Variants in NR1I2 observed in about 807,000 individuals in gnomAD.
NR1I2 encodes the protein orphan nuclear receptor PAR1.
In NR1I2, 42 loss-of-function variants were observed where a neutral mutation model predicts 43.3. That is an observed-to-expected ratio of 0.97 (90% CI 0.76 to 1.26). The LOEUF (loss-of-function observed/expected upper bound fraction) is 1.26, where lower values mean the gene tolerates loss of function less well. Ranked by LOEUF, NR1I2 falls within the 50% of genes most tolerant of loss-of-function variation. The probability of loss-of-function intolerance (pLI) is 0.00; values close to 1 mark genes in which losing one functional copy is unlikely to be tolerated. For synonymous variants in NR1I2, 229 were observed against 215.0 expected (o/e 1.06, Z -0.57); for missense variants, 559 against 566.7 (o/e 0.99, Z 0.14).
In NR1I2 at chr3:119,812,945, T is replaced by C. The variant is rs761766539; in HGVS notation, c.779T>C (p.Val260Ala). 1 of 1,613,690 alleles carries C rather than the reference T, an allele frequency of 6.2e-7. No individual in the cohort carries two copies. The highest frequency in any genetic ancestry group is 1.1e-5 in the South Asian group (1 of 91,078). ...AAAGGCATCATCAGCTTTGCCAAAGTCATCTCCTACTTCAGGTAGGACATG... is the reference window on the plus strand; with the variant it reads ...AAAGGCATCATCAGCTTTGCCAAAGCCATCTCCTACTTCAGGTAGGACATG... The change falls in exon 5 of 9, where the codon GTC becomes GCC. Residue 260 changes from valine to alanine, a missense_variant. This residue lies in a region of NR1I2 where 323 missense variants were observed against 312.2 expected (regional missense o/e 1.03). Transcript: ENST00000393716.
chr3:119,785,703 G>A (rs1032286718), intron 1 of NR1I2, among the ~76,000 whole-genome samples: 2 of 152,112 alleles, frequency 1.3e-5, no homozygotes, highest in Non-Finnish European at 1.5e-5. Flanking sequence ...CTCTGGCTTA[G>A]CATAATCTTA....
At chr3:119,810,499 ATTG>A (rs2055224757) in intron 3 of NR1I2, 1 of 435,808 alleles carries the variant, frequency 2.3e-6, no homozygotes, top group Non-Finnish European at 4.2e-6. Context: ...CCCCTTCATA[ATTG>A]TTGTAATGGT....
intron 1 of NR1I2, among the ~76,000 whole-genome samples, chr3:119,789,582 G>A (rs959940006): frequency 2.6e-5 from 4 of 152,202 alleles, no homozygotes; most frequent in African/African-American, 9.7e-5. Context: ...GTAGCATTAT[G>A]CAAGCTACAA....
Position 119,812,965 on chromosome 3 carries a change from G to T in NR1I2, c.794+5G>T. 1 of 1,612,658 alleles carries T rather than the reference G, an allele frequency of 6.2e-7. No individual in the cohort carries two copies. The highest frequency in any genetic ancestry group is 8.5e-7 in the Non-Finnish European group (1 of 1,180,034). ...CAAAGTCATCTCCTACTTCAGGTAG[G>T]ACATGGAGACTGGGTGGTTGGGTGT... is the stretch of plus-strand genomic sequence containing the variant. On this transcript the variant is annotated splice_donor_5th_base_variant and intron_variant, in intron 5 of 8. Coordinates refer to ENST00000393716, the MANE Select transcript of NR1I2 (RefSeq NM_003889.4).
intron 1 of NR1I2, among the ~76,000 whole-genome samples, chr3:119,805,716 C>CAA: frequency 4.8e-5 from 1 of 20,632 alleles, no homozygotes; most frequent in South Asian, 4.8e-3. Flanking sequence ...CTCCCCCCCA[C>CAA]CAAAAAAAAA....
At chr3:119,803,151 G>C (rs2055103089) in intron 1 of NR1I2, among the ~76,000 whole-genome samples, 1 of 151,300 alleles carries the variant, frequency 6.6e-6, no homozygotes, top group Non-Finnish European at 1.5e-5. Flanking sequence ...GGGCAATATG[G>C]GGAAACCCTG....
At chr3:119,795,591 C>T (rs1038460144) in intron 1 of NR1I2, among the ~76,000 whole-genome samples, 1 of 152,170 alleles carries the variant, frequency 6.6e-6, no homozygotes, top group Non-Finnish European at 1.5e-5. Context: ...CTCCTCCCTC[C>T]CATTGCCGGT....
rs1456499728 is a variant in NR1I2 at position 119,815,011 on chromosome 3, T to A, written c.827T>A (p.Leu276Gln). 6.2e-7 allele frequency: 1 copy of A among 1,614,050 alleles called. No homozygotes were observed. Among genetic ancestry groups the A allele is most frequent in the Non-Finnish European group, 8.5e-7 (1 of 1,180,032 alleles). The change falls in exon 6 of 9, where the codon CTG (leucine) becomes CAG (glutamine). Residue 276 changes from leucine to glutamine, a missense_variant. Around this residue, in one of 3 missense-constraint regions of NR1I2, gnomAD observed 323 missense variants for 312.2 expected, o/e 1.03. Transcript: ENST00000393716. ...CCCATCGAGGACCAGATCTCCCTGC[T>A]GAAGGGGGCCGCTTTCGAGCTGTGT...
chr3:119,790,881 A>G (rs997510175), intron 1 of NR1I2, among the ~76,000 whole-genome samples: 1 of 152,148 alleles, frequency 6.6e-6, no homozygotes, highest in Non-Finnish European at 1.5e-5. Context: ...GCCAACTTCA[A>G]TGGGCTGTCC....
chr3:119,787,053 C>T (rs901860171), intron 1 of NR1I2, among the ~76,000 whole-genome samples: 3 of 151,890 alleles, frequency 2.0e-5, no homozygotes, highest in Admixed American at 6.6e-5. Context: ...CTTGGGAGGC[C>T]GAGGCAGGTG....
In NR1I2 at chr3:119,803,391, A is replaced by G. The variant is rs1453660743; in HGVS notation, c.-22-3838A>G. Among the ~76,000 whole-genome samples, 3 of 151,384 alleles carry G rather than the reference A, an allele frequency of 2.0e-5. No homozygotes were observed. In the South Asian group the frequency reaches 6.3e-4, roughly 32 times the overall value. Reference sequence around the variant, plus strand: ...AGAGAGAGATAGAGAGGTCCCAGAGACCCAAAGAGCTAGCTGGCTAGCCCC... The same window carrying G: ...AGAGAGAGATAGAGAGGTCCCAGAGGCCCAAAGAGCTAGCTGGCTAGCCCC... On this transcript the variant is annotated intron_variant, in intron 1 of 8. Transcript: ENST00000393716.
At chr3:119,803,807 G>C (rs555103983) in intron 1 of NR1I2, among the ~76,000 whole-genome samples, 90 of 151,588 alleles carry the variant, frequency 5.9e-4, no homozygotes, top group African/African-American at 2.0e-3. Flanking sequence ...GCCCAGGCTA[G>C]AGTGCAGTAG....
rs147825108 is a variant in NR1I2, at chr3:119,815,735, G to T, written c.1064G>T (p.Gly355Val). 91 of 1,613,178 alleles carry T rather than the reference G, an allele frequency of 5.6e-5. No individual in the cohort carries two copies. The Admixed American group carries it at 1.3e-3, about 22-fold the overall frequency. Residue 355 changes from glycine (G) to valine (V), a missense_variant, in exon 8 of 9, where the codon GGT becomes GTT. By Grantham distance (109) the Gly-to-Val change is moderately radical. Transcript: ENST00000393716. ...CCTCCCTCCCCTCCAGACCGCCCAG[G>T]TGTGCTGCAGCACCGCGTGGTGGAC...
At chr3:119,787,592 T>C (rs1418610459) in intron 1 of NR1I2, among the ~76,000 whole-genome samples, 1 of 151,804 alleles carries the variant, frequency 6.6e-6, no homozygotes, top group Admixed American at 6.6e-5. Context: ...AAATTCAGTA[T>C]TCTTATATTA....
chr3:119,816,992 G>A, intron 8 of NR1I2, 76 bp from the exon 9 acceptor site: 1 of 1,569,530 alleles, frequency 6.4e-7, no homozygotes, highest in South Asian at 1.1e-5. Flanking sequence ...TTATGCTTGT[G>A]CAGCCTCAGA....
Position 119,788,661 on chromosome 3 carries a change from C to T in NR1I2, c.-23+6361C>T, listed in dbSNP as rs115055647. ...CTGTATTGCCCAGACTTGTCTCGAA[C>T]TCCTGGCCTCAAATGATCCTCCTGT... On this transcript the variant is annotated intron_variant, in intron 1 of 8. Transcript: ENST00000393716. Among the ~76,000 whole-genome samples the T allele has an allele frequency of 7.8e-3, 1,187 of 151,750 alleles. 25 individuals carry two copies. The highest frequency in any genetic ancestry group is 0.027 in the African/African-American group (1,112 of 41,346).
Position 119,815,442 on chromosome 3 carries a change from G to A in NR1I2, c.1054+3G>A, listed in dbSNP as rs369037086. 2.5e-6 allele frequency: 4 copies of A among 1,609,302 alleles called. No homozygotes were observed. Among genetic ancestry groups the A allele is most frequent in the Non-Finnish European group, 3.4e-6 (4 of 1,177,142 alleles). On this transcript the variant is annotated splice_donor_region_variant and intron_variant, in intron 7 of 8. Transcript: ENST00000393716. ...GGCCATCTCCCTCTTCTCCCCAGGT[G>A]AGGATCTCCCCTAGGCTGCCTGACA...
chr3:119,815,557 G>A, intron 7 of NR1I2, 118 bp downstream of exon 7: 5 of 1,059,056 alleles, frequency 4.7e-6, no homozygotes, highest in Middle Eastern at 2.9e-4. Context: ...GGGGGCTCTC[G>A]CTGGTTTCTC....
intron 1 of NR1I2, among the ~76,000 whole-genome samples, chr3:119,789,276 A>G (rs1006769531): frequency 3.9e-5 from 6 of 152,186 alleles, no homozygotes; most frequent in African/African-American, 1.4e-4. Context: ...TAACTACTGT[A>G]TTAGTCCATG....
Sources: allele counts gnomAD v4.1 joint callset (sites outside exome capture counted in the v4.1 genomes callset), GRCh38; gene constraint gnomAD v4.1.1; regional missense constraint gnomAD v4.1.1; transcripts MANE v1.5; gene names NCBI Gene and HGNC (gene_info 2026-07-23, HGNC 2026-07-21).